SCAND3: variants seen among roughly 807,000 people sequenced by gnomAD.
The protein encoded by SCAND3 is SCAN domain-containing protein 3.
chr6:28,587,747 A>C, the SCAND3 span: 1 of 150,402 alleles, frequency 6.6e-6, no homozygotes, highest in Non-Finnish European at 1.5e-5. Flanking sequence ...GAGTTAGTCC[A>C]TTGTTTCCAT....
the SCAND3 span, chr6:28,574,541 A>G: frequency 2.6e-5 from 26 of 993,518 alleles, 1 homozygote; most frequent in South Asian, 1.3e-4. Context: ...ATCCAAGGTA[A>G]TAAAAATGTG....
At chr6:28,615,794 T>A in the SCAND3 span, among the ~76,000 whole-genome samples, 2 of 152,168 alleles carry the variant, frequency 1.3e-5, no homozygotes, top group Non-Finnish European at 2.9e-5. Flanking sequence ...TCTAACCCAC[T>A]GAACAAACGT....
chr6:28,604,930 T>C, the SCAND3 span, among the ~76,000 whole-genome samples: 23 of 152,120 alleles, frequency 1.5e-4, no homozygotes, highest in Non-Finnish European at 2.1e-4. Context: ...CTCGGGGAAG[T>C]TTTCTTTCAG....
At chr6:28,589,520 CCATCGAATTCT>C in the SCAND3 span, 1 of 152,086 alleles carries the variant, frequency 6.6e-6, no homozygotes, top group Admixed American at 6.5e-5. Flanking sequence ...CCTCCGCTTC[CCATCGAATTCT>C]CGTCGAAAAC....
the SCAND3 span, chr6:28,572,574 C>T: frequency 2.5e-6 from 4 of 1,614,018 alleles, no homozygotes; most frequent in Non-Finnish European, 3.4e-6. The surrounding 1 kb of genome is among the most constrained non-coding windows in gnomAD (Gnocchi z 4.1). Context: ...AGATATCAGA[C>T]AAATAAGCAA....
At chr6:28,616,120 C>G in the SCAND3 span, 3 of 152,282 alleles carry the variant, frequency 2.0e-5, no homozygotes, top group Non-Finnish European at 4.4e-5. The surrounding 1 kb of genome is among the most constrained non-coding windows in gnomAD (Gnocchi z 4.3). Flanking sequence ...CTCCATTTCT[C>G]TCTTCCCACA....
chr6:28,608,618 A>G, the SCAND3 span, among the ~76,000 whole-genome samples: 8 of 152,246 alleles, frequency 5.3e-5, no homozygotes, highest in Non-Finnish European at 1.2e-4. Flanking sequence ...GAGAGGAAAG[A>G]AACCAGTTTT....
the SCAND3 span, chr6:28,575,297 G>C: frequency 5.0e-6 from 8 of 1,613,950 alleles, no homozygotes; most frequent in East Asian, 2.2e-5. The surrounding 1 kb of genome is among the most constrained non-coding windows in gnomAD (Gnocchi z 4.2). Flanking sequence ...GCAGAACTCT[G>C]GCTTTGGCAG....
the SCAND3 span, chr6:28,572,622 C>A: frequency 6.8e-6 from 11 of 1,613,846 alleles, no homozygotes; most frequent in East Asian, 2.5e-4. This position sits in a 1 kb window ranked among gnomAD's most constrained non-coding sequence, Gnocchi z 4.1. Flanking sequence ...AAAGTTGGGA[C>A]CACATGGGTT....
chr6:28,577,598 C>A, the SCAND3 span, among the ~76,000 whole-genome samples: 20 of 152,244 alleles, frequency 1.3e-4, no homozygotes, highest in South Asian at 3.5e-3. Context: ...CTAAAGATAG[C>A]ATCTTAACAT....
At chr6:28,583,522 A>G in the SCAND3 span, among the ~76,000 whole-genome samples, 10 of 152,186 alleles carry the variant, frequency 6.6e-5, no homozygotes, top group Admixed American at 2.6e-4. Context: ...AAGAAACATG[A>G]TGTGGGTTCC....
the SCAND3 span, among the ~76,000 whole-genome samples, chr6:28,595,330 CAAAAAAAAAAAA>C: frequency 1.1e-4 from 4 of 37,330 alleles, no homozygotes; most frequent in East Asian, 2.3e-3. Flanking sequence ...AACCCAGTCT[CAAAAAAAAAAAA>C]AAAAAAAAAA....
chr6:28,574,885 T>C, the SCAND3 span: 11 of 1,613,904 alleles, frequency 6.8e-6, no homozygotes, highest in Admixed American at 6.7e-5. Context: ...GCATTCTTTT[T>C]CACAAACTAC....
the SCAND3 span, among the ~76,000 whole-genome samples, chr6:28,606,599 G>C: frequency 2.0e-3 from 305 of 152,238 alleles, 2 homozygotes; most frequent in South Asian, 0.014. Flanking sequence ...TACTCTAGAC[G>C]TGCGGATCTG....
the SCAND3 span, among the ~76,000 whole-genome samples, chr6:28,607,203 C>T: frequency 2.6e-5 from 4 of 152,130 alleles, no homozygotes; most frequent in African/African-American, 4.8e-5. Context: ...GTACGAGGTC[C>T]CGGGTTCAAT....
chr6:28,599,914 A>G, the SCAND3 span, among the ~76,000 whole-genome samples: 2 of 152,048 alleles, frequency 1.3e-5, no homozygotes, highest in African/African-American at 4.8e-5. Context: ...TTTTAATAAA[A>G]CAATTGGAGA....
the SCAND3 span, among the ~76,000 whole-genome samples, chr6:28,596,347 A>C: frequency 6.6e-6 from 1 of 152,110 alleles, no homozygotes; most frequent in Admixed American, 6.6e-5. Context: ...GGTTAGGGAA[A>C]TGGGGCAGGA....
At chr6:28,573,425 C>T in the SCAND3 span, 3 of 1,613,980 alleles carry the variant, frequency 1.9e-6, no homozygotes, top group East Asian at 2.2e-5. Context: ...TTATATGAAG[C>T]CCGCAAAGCA....
At chr6:28,573,013 C>A in the SCAND3 span, 1 of 1,613,366 alleles carries the variant, frequency 6.2e-7, no homozygotes, top group Non-Finnish European at 8.5e-7. Flanking sequence ...AAATTCCAAA[C>A]CACATTTGTT....
Sources: allele counts gnomAD v4.1 joint callset (sites outside exome capture counted in the v4.1 genomes callset), GRCh38; gene constraint gnomAD v4.1.1; non-coding constraint Gnocchi (gnomAD v3.1); transcripts MANE v1.5; gene names NCBI Gene and HGNC (gene_info 2026-07-23, HGNC 2026-07-21).